Variants in HPSE2 observed in about 807,000 individuals in gnomAD.
The protein encoded by HPSE2 is inactive heparanase-2.
Under a neutral mutation model 60.5 loss-of-function variants are expected in HPSE2, and 38 were observed. The ratio of observed to expected loss-of-function variants is 0.63; its 90% CI spans 0.48 to 0.82. The LOEUF (loss-of-function observed/expected upper bound fraction) is 0.82, where lower values mean the gene tolerates loss of function less well. Ranked by LOEUF, HPSE2 falls within the 40% of genes least tolerant of loss-of-function variation. The pLI, the probability that HPSE2 is intolerant of heterozygous loss-of-function variation, is 0.00. For missense variants in HPSE2, 713 were observed against 740.4 expected (o/e 0.96, Z 0.43); for synonymous variants, 295 against 293.2 (o/e 1.01, Z -0.06).
At chr10:99,301,751 C>CA in the HPSE2 span, among the ~76,000 whole-genome samples, 8 of 152,118 alleles carry the variant, frequency 5.3e-5, no homozygotes, top group Admixed American at 3.3e-4. Flanking sequence ...TAGAAGAAGC[C>CA]AGAAAGTTTA....
At chr10:99,260,193 G>A in the HPSE2 span, among the ~76,000 whole-genome samples, 1 of 151,580 alleles carries the variant, frequency 6.6e-6, no homozygotes, top group Non-Finnish European at 1.5e-5. Context: ...TGAGAATAAT[G>A]ATAGATGAAA....
At chr10:99,003,735 G>T (rs1174312615) in intron 3 of HPSE2, among the ~76,000 whole-genome samples, 1 of 152,116 alleles carries the variant, frequency 6.6e-6, no homozygotes. Context: ...CCCTTTACCA[G>T]ATGGATGGTT....
At chr10:98,533,775 C>G (rs147472591) in intron 9 of HPSE2, among the ~76,000 whole-genome samples, 1 of 152,142 alleles carries the variant, frequency 6.6e-6, no homozygotes, top group Non-Finnish European at 1.5e-5. Flanking sequence ...ATTTGAAAAT[C>G]GGACAGAACA....
chr10:99,027,592 T>C (rs550240774), intron 3 of HPSE2, among the ~76,000 whole-genome samples: 29 of 152,140 alleles, frequency 1.9e-4, no homozygotes, highest in African/African-American at 6.7e-4. Flanking sequence ...AAGGAAGGAA[T>C]ACTTCAAAAC....
chr10:99,298,350 G>A, the HPSE2 span, among the ~76,000 whole-genome samples: 1 of 152,210 alleles, frequency 6.6e-6, no homozygotes, highest in African/African-American at 2.4e-5. Flanking sequence ...GAAATGAAAA[G>A]AGAAAAGTAA....
intron 3 of HPSE2, among the ~76,000 whole-genome samples, chr10:98,792,883 C>G (rs1950689175): frequency 6.6e-6 from 1 of 152,098 alleles, no homozygotes; most frequent in South Asian, 2.1e-4. Flanking sequence ...TTGAAAAGGT[C>G]AGAAGAAGAT....
intron 6 of HPSE2, among the ~76,000 whole-genome samples, chr10:98,682,531 G>A (rs769433645): frequency 4.6e-5 from 7 of 152,036 alleles, no homozygotes; most frequent in African/African-American, 4.8e-5. Context: ...CAGAGTATTG[G>A]TTGCTTACCC....
the HPSE2 span, among the ~76,000 whole-genome samples, chr10:99,263,323 T>G: frequency 6.6e-6 from 1 of 152,200 alleles, no homozygotes; most frequent in Non-Finnish European, 1.5e-5. Context: ...ACTCATTGCC[T>G]TAACTCAAGC....
chr10:99,105,575 T>G (rs2135663151), intron 3 of HPSE2, among the ~76,000 whole-genome samples: 1 of 152,064 alleles, frequency 6.6e-6, no homozygotes. Context: ...AGCTTGTGAC[T>G]TGTCTTTTTA....
At chr10:98,603,325 C>T (rs914869474) in intron 9 of HPSE2, among the ~76,000 whole-genome samples, 1 of 152,062 alleles carries the variant, frequency 6.6e-6, no homozygotes, top group African/African-American at 2.4e-5. Context: ...AGTTTTACCT[C>T]CAGGAGCTCA....
chr10:98,477,387 C>T (rs1035520019), intron 11 of HPSE2, among the ~76,000 whole-genome samples: 1 of 152,150 alleles, frequency 6.6e-6, no homozygotes, highest in Non-Finnish European at 1.5e-5. Flanking sequence ...GATGGCTTGG[C>T]CACAGACTGA....
intron 4 of HPSE2, among the ~76,000 whole-genome samples, chr10:98,725,172 C>A (rs141596092): frequency 1.1e-4 from 16 of 152,154 alleles, no homozygotes; most frequent in Non-Finnish European, 2.2e-4. Flanking sequence ...AAAGAGCCCA[C>A]ATTGCCAAGT....
intron 3 of HPSE2, among the ~76,000 whole-genome samples, chr10:98,873,659 A>T (rs957769676): frequency 1.7e-4 from 26 of 152,084 alleles, no homozygotes; most frequent in African/African-American, 5.3e-4. Flanking sequence ...TATTGTAAAT[A>T]GTGTTGCAAT....
In HPSE2 at chr10:98,723,889, A is replaced by G. The variant is rs534372725; in HGVS notation, c.785-2061T>C. Among the ~76,000 whole-genome samples the G allele has an allele frequency of 5.5e-3, 838 of 151,926 alleles. 4 individuals carry two copies. Among genetic ancestry groups the G allele is most frequent in the African/African-American group, 0.019 (793 of 41,428 alleles). The stretch of plus-strand genomic sequence containing the variant: ...TATTAGTCTTGCTAGCGGTCTATCA[A>G]TTTTGTTGATCTTTTCAAAAAACCA... On this transcript the variant is annotated intron_variant, in intron 4 of 11. Coordinates refer to ENST00000370552, the MANE Select transcript of HPSE2 (RefSeq NM_021828.5).
chr10:98,902,284 T>A (rs553183155), intron 3 of HPSE2, among the ~76,000 whole-genome samples: 1 of 152,252 alleles, frequency 6.6e-6, no homozygotes, highest in South Asian at 2.1e-4. Context: ...AAGTGAGAAT[T>A]TAACTTGTAA....
chr10:99,184,951 C>G (rs961057677), intron 2 of HPSE2, among the ~76,000 whole-genome samples: 2 of 149,492 alleles, frequency 1.3e-5, no homozygotes, highest in African/African-American at 4.9e-5. Flanking sequence ...ATTGGTACCT[C>G]CAAAAAAATG....
chr10:98,721,799 G>A lies in HPSE2; in HGVS notation c.814C>T (p.Arg272Trp), dbSNP rs773217254. 1.2e-5 allele frequency: 19 copies of A among 1,613,260 alleles called. No individual in the cohort carries two copies. The highest frequency in any genetic ancestry group is 1.0e-4 in the Admixed American group (6 of 59,882). ...CCCAACTGGCTGCCATTTACTGCCC[G>A]GCCATGCATGGTCCGATAGTTATTT... ...EPNNYRTMHGRAVNGSQLGKD... is the reference protein window; with the variant it reads ...EPNNYRTMHGWAVNGSQLGKD... Residue 272 changes from arginine to tryptophan, a missense_variant, in exon 5 of 12, where the codon CGG becomes TGG. Physicochemically the swap from Arg to Trp is moderately radical, Grantham distance 101. Transcript: ENST00000370552.
intron 9 of HPSE2, among the ~76,000 whole-genome samples, chr10:98,490,896 A>G (rs753490369): frequency 6.6e-6 from 1 of 152,266 alleles, no homozygotes; most frequent in Admixed American, 6.5e-5. Context: ...GCACACATTT[A>G]TATGAGCTTA....
At chr10:98,900,630 A>T (rs1953639863) in intron 3 of HPSE2, among the ~76,000 whole-genome samples, 2 of 152,214 alleles carry the variant, frequency 1.3e-5, no homozygotes. Context: ...CTCCAACAAA[A>T]CTGTTATAAA....
Sources: allele counts gnomAD v4.1 joint callset (sites outside exome capture counted in the v4.1 genomes callset), GRCh38; gene constraint gnomAD v4.1.1; transcripts MANE v1.5; gene names NCBI Gene and HGNC (gene_info 2026-07-23, HGNC 2026-07-21).